CD40: variants seen among roughly 807,000 people sequenced by gnomAD.
CD40 encodes the protein tumor necrosis factor receptor superfamily member 5.
Under a neutral mutation model 38.5 loss-of-function variants are expected in CD40, and 19 were observed. The ratio of observed to expected loss-of-function variants is 0.49; its 90% CI spans 0.34 to 0.72. The LOEUF (loss-of-function observed/expected upper bound fraction) is 0.72, where lower values mean the gene tolerates loss of function less well. CD40 is among the 30% of genes least tolerant of loss of function. CD40 has a pLI of 0.01. For missense variants in CD40, 256 were observed against 344.1 expected, an observed-to-expected ratio of 0.74 and a Z score of 2.03; for synonymous variants, 130 against 128.7, an observed-to-expected ratio of 1.01 and a Z score of -0.07.
Position 46,128,310 on chromosome 20 carries a change from T to TC in CD40, c.647-20_647-19insC, listed in dbSNP as rs760912929. 21 of 1,579,930 alleles carry TC rather than the reference T, an allele frequency of 1.3e-5. No individual in the cohort carries two copies. Among genetic ancestry groups the TC allele is most frequent in the Middle Eastern group, 1.7e-4 (1 of 5,760 alleles). ...GCCTCTCCAACTCCCCATCCTTTTT[T>TC]TTTTTTTTTTTTTTTTTAGAAAAGG... On this transcript the variant is annotated intron_variant, in intron 7 of 8. Coordinates refer to ENST00000372285, the MANE Select transcript of CD40 (RefSeq NM_001250.6).
intron 5 of CD40, among the ~76,000 whole-genome samples, chr20:46,124,092 G>A (rs1263146540): frequency 6.6e-6 from 1 of 152,196 alleles, no homozygotes; most frequent in Admixed American, 6.5e-5. Context: ...GAGGTCAGGA[G>A]TTCAAGACCA....
intron 5 of CD40, 140 bp downstream of exon 5, chr20:46,123,359 C>A: frequency 1.3e-6 from 1 of 799,402 alleles, no homozygotes; most frequent in South Asian, 1.4e-5. Context: ...AGAGTGGCCT[C>A]ATGGCCAACC....
Position 46,129,351 on chromosome 20 carries a change from C to T in CD40, c.*311C>T, listed in dbSNP as rs41282790. 1.7e-4 allele frequency: 65 copies of T among 390,616 alleles called. 1 individual carries two copies. The highest frequency in any genetic ancestry group is 7.2e-4 in the African/African-American group (35 of 48,606). 24.2% of individuals were successfully genotyped at this position (390,616 alleles called of 1,614,324 possible). A position where few individuals can be genotyped will look rare whatever the true frequency, so the allele number is the denominator to read the frequency against. ...GTAATATCCACCAGACCTTCCGATC[C>T]AGCAGTTTGGTGCCCAGAGAGGCAT... is the stretch of plus-strand genomic sequence containing the variant. On this transcript the variant is annotated 3_prime_UTR_variant, in exon 9 of 9. Transcript: ENST00000372285.
At position 46,129,703 on chromosome 20, in the gene CD40, C is replaced by T. The variant is rs565280552; in HGVS notation, c.*663C>T. 2.0e-5 allele frequency: 3 copies of T among 152,426 alleles called. No individual in the cohort carries two copies. The highest frequency in any genetic ancestry group is 3.4e-3 in the Middle Eastern group (1 of 292). The allele number at this position is 152,426 out of a possible 1,614,324, so 9.4% of individuals were successfully genotyped here. ...AAGGGTACACAGAAAACCCACAGCT[C>T]GAAGAGTGGTGACGTCTGGGGTGGG... On this transcript the variant is annotated 3_prime_UTR_variant, in exon 9 of 9. Coordinates refer to ENST00000372285, the MANE Select transcript of CD40 (RefSeq NM_001250.6).
rs1489096817 is a variant in CD40 at position 46,129,761 on chromosome 20, G to C, written c.*721G>C. On this transcript the variant is annotated 3_prime_UTR_variant, in exon 9 of 9. Coordinates refer to ENST00000372285, the MANE Select transcript of CD40 (RefSeq NM_001250.6). ...GGTCTGGGGGAGGGTTGGTTAAAGG[G>C]AGATTTGGCTTTCCCATAATGCTTC... is the stretch of plus-strand genomic sequence containing the variant. 1 of 152,228 alleles carries C rather than the reference G, an allele frequency of 6.6e-6. No homozygotes were observed. The highest frequency in any genetic ancestry group is 1.5e-5 in the Non-Finnish European group (1 of 68,090). The allele number at this position is 152,228 out of a possible 1,614,324, so 9.4% of individuals were successfully genotyped here.
chr20:46,127,666 A>T (rs972640968), intron 6 of CD40, among the ~76,000 whole-genome samples: 7 of 152,210 alleles, frequency 4.6e-5, no homozygotes, highest in African/African-American at 1.7e-4. Flanking sequence ...TGAAAAAAAA[A>T]TTCGGCATGA....
intron 5 of CD40, among the ~76,000 whole-genome samples, chr20:46,125,525 C>T (rs2085416260): frequency 1.7e-5 from 2 of 115,262 alleles, no homozygotes; most frequent in Admixed American, 2.5e-4. Context: ...GCCAGTCTGG[C>T]GAAAGAGCAA....
Position 46,122,192 on chromosome 20 carries a change from G to C in CD40, c.131-41G>C, listed in dbSNP as rs374336021. ...TTGTGTGGTTAGTGTCTGACTCATG[G>C]AGTTGGCCAGAGCCCTCCCTCATTT... On this transcript the variant is annotated intron_variant, in intron 2 of 8. Coordinates refer to ENST00000372285, the MANE Select transcript of CD40 (RefSeq NM_001250.6). The surrounding 1 kb of genome is among the most constrained non-coding windows in gnomAD (Gnocchi z 5.0). 4 of 1,613,192 alleles carry C rather than the reference G, an allele frequency of 2.5e-6. No individual in the cohort carries two copies. In the African/African-American group the frequency reaches 4.0e-5, roughly 16 times the overall value.
rs2085517501 is a variant in CD40 at position 46,129,628 on chromosome 20, A to G, written c.*588A>G. 6.1e-6 allele frequency: 1 copy of G among 163,584 alleles called. No individual in the cohort carries two copies. The highest frequency in any genetic ancestry group is 2.4e-5 in the African/African-American group (1 of 41,598). 10.1% of individuals were successfully genotyped at this position (163,584 alleles called of 1,614,324 possible). A position where few individuals can be genotyped will look rare whatever the true frequency, so the allele number is the denominator to read the frequency against. ...TTATGTATGTATATTGCCTATGGAT[A>G]TATGTATAAATACAATATGCATCAT... On this transcript the variant is annotated 3_prime_UTR_variant, in exon 9 of 9. Coordinates refer to ENST00000372285, the MANE Select transcript of CD40 (RefSeq NM_001250.6).
Position 46,122,210 on chromosome 20 carries a change from C to G in CD40, c.131-23C>G. 4 of 1,614,078 alleles carry G rather than the reference C, an allele frequency of 2.5e-6. No homozygotes were observed. The highest frequency in any genetic ancestry group is 3.4e-6 in the Non-Finnish European group (4 of 1,179,980). On this transcript the variant is annotated intron_variant, in intron 2 of 8. Transcript: ENST00000372285. The surrounding 1 kb of genome is among the most constrained non-coding windows in gnomAD (Gnocchi z 5.0). ...ACTCATGGAGTTGGCCAGAGCCCTC[C>G]CTCATTTCCTGATGTTTTCCAGGAC...
rs1460187436 is a variant in CD40, at chr20:46,118,528, G to T, written c.51+134G>T. 3 of 790,352 alleles carry T rather than the reference G, an allele frequency of 3.8e-6. No individual in the cohort carries two copies. In the East Asian group the frequency reaches 8.1e-5, roughly 21 times the overall value. 49.0% of individuals were successfully genotyped at this position (790,352 alleles called of 1,614,324 possible). On this transcript the variant is annotated intron_variant, in intron 1 of 8. Coordinates refer to ENST00000372285, the MANE Select transcript of CD40 (RefSeq NM_001250.6). ...GGAGGGTGGGTGGGAGCTGGGCAAG[G>T]TGCCCCCGCTCCTGGCTGAATGGGG...
chr20:46,118,913 C>T (rs1159533095), intron 1 of CD40, among the ~76,000 whole-genome samples: 1 of 152,220 alleles, frequency 6.6e-6, no homozygotes, highest in Non-Finnish European at 1.5e-5. Flanking sequence ...CTTTTAACAT[C>T]GCCTTCCACC....
chr20:46,128,464 C>T, intron 8 of CD40, 106 bp downstream of exon 8: 3 of 1,262,942 alleles, frequency 2.4e-6, no homozygotes, highest in Non-Finnish European at 3.4e-6. Context: ...TCTCTGCAGC[C>T]AGTGGGGTGG....
At chr20:46,128,400 T>G (rs923140172) in intron 8 of CD40, 42 bp downstream of exon 8, 1 of 1,602,246 alleles carries the variant, frequency 6.2e-7, no homozygotes, top group Non-Finnish European at 8.5e-7. Context: ...TTTGACAAAC[T>G]GGGAAGATGG....
At position 46,128,985 on chromosome 20, in the gene CD40, C is replaced by G; in HGVS notation, c.779C>G (p.Pro260Arg). The G allele has an allele frequency of 6.2e-7, 1 of 1,614,166 alleles. No homozygotes were observed. Residue 260 changes from proline (P) to arginine (R), a missense_variant, in exon 9 of 9, where the codon CCG becomes CGG. Pro to Arg is a moderately radical substitution (Grantham distance 103). Transcript: ENST00000372285. The stretch of plus-strand genomic sequence containing the variant: ...CAGGAGACTTTACATGGATGCCAAC[C>G]GGTCACCCAGGAGGATGGCAAAGAG... ...PVQETLHGCQ[P>R]VTQEDGKESR...
At chr20:46,128,733 G>A (rs1275735634) in intron 8 of CD40, 149 bp from the exon 9 acceptor site, 2 of 798,714 alleles carry the variant, frequency 2.5e-6, no homozygotes, top group South Asian at 3.3e-5. Context: ...TGGCCAGCAG[G>A]GGGCAGGAGG....
chr20:46,129,101 G>A lies in CD40; in HGVS notation c.*61G>A, dbSNP rs1365535268. The A allele has an allele frequency of 1.9e-6, 3 of 1,578,568 alleles. No homozygotes were observed. Among genetic ancestry groups the A allele is most frequent in the Non-Finnish European group, 2.6e-6 (3 of 1,150,126 alleles). Reference sequence around the variant, plus strand: ...AACAGGCAGTTGGCCAGAGAGCCTGGTGCTGCTGCTGCTGTGGCGTGAGGG... The same window carrying A: ...AACAGGCAGTTGGCCAGAGAGCCTGATGCTGCTGCTGCTGTGGCGTGAGGG... On this transcript the variant is annotated 3_prime_UTR_variant, in exon 9 of 9. Coordinates refer to ENST00000372285, the MANE Select transcript of CD40 (RefSeq NM_001250.6).
In CD40 at chr20:46,129,364, C is replaced by T. The variant is rs963361078; in HGVS notation, c.*324C>T. 1.9e-5 allele frequency: 7 copies of T among 375,718 alleles called. No homozygotes were observed. In the Admixed American group the frequency reaches 2.6e-4, roughly 14 times the overall value. 23.3% of individuals were successfully genotyped at this position (375,718 alleles called of 1,614,324 possible). A position where few individuals can be genotyped will look rare whatever the true frequency, so the allele number is the denominator to read the frequency against. On this transcript the variant is annotated 3_prime_UTR_variant, in exon 9 of 9. Transcript: ENST00000372285. ...GACCTTCCGATCCAGCAGTTTGGTG[C>T]CCAGAGAGGCATCATGGTGGCTTCC...
intron 5 of CD40, among the ~76,000 whole-genome samples, chr20:46,124,927 C>T (rs1020555084): frequency 6.6e-5 from 10 of 151,598 alleles, no homozygotes; most frequent in Admixed American, 1.3e-4. Flanking sequence ...CCACCACACC[C>T]GGCTAATTTT....
Sources: allele counts gnomAD v4.1 joint callset (sites outside exome capture counted in the v4.1 genomes callset), GRCh38; gene constraint gnomAD v4.1.1; non-coding constraint Gnocchi (gnomAD v3.1); transcripts MANE v1.5; gene names NCBI Gene and HGNC (gene_info 2026-07-23, HGNC 2026-07-21).